The following YLPM1 variants were observed in gnomAD, a reference collection of about 807,000 sequenced individuals.
The protein encoded by YLPM1 is YLP motif containing 1.
Under a neutral mutation model 230.0 loss-of-function variants are expected in YLPM1, and 99 were observed. That is an observed-to-expected ratio of 0.43 (90% confidence interval 0.37 to 0.51). YLPM1 has a LOEUF of 0.51. YLPM1 is among the 20% of genes least tolerant of loss of function. The pLI, the probability that YLPM1 is intolerant of heterozygous loss-of-function variation, is 0.00. For missense variants in YLPM1, 2,592 were observed against 2,707.7 expected (o/e 0.96, Z 0.95); for synonymous variants, 984 against 942.5 (o/e 1.04, Z -0.81).
rs1380960522 is a variant in YLPM1, at chr14:74,835,950, C to CT, written c.*216dup. ...GTACCCAAGCAAGACGTTAATTTTT[C>CT]TTTTAACTGTTTTGGGGAGGGAGGG... On this transcript the variant is annotated 3_prime_UTR_variant, in exon 21 of 21. Coordinates refer to ENST00000325680, the MANE Select transcript of YLPM1 (RefSeq NM_019589.3). 2 of 449,014 alleles carry CT rather than the reference C, an allele frequency of 4.5e-6. No individual in the cohort carries two copies. The highest frequency in any genetic ancestry group is 4.1e-5 in the African/African-American group (2 of 49,330). The allele number at this position is 449,014 out of a possible 1,614,324, so 27.8% of individuals were successfully genotyped here.
At chr14:74,800,223 TA>T (rs2091311846) in intron 5 of YLPM1, among the ~76,000 whole-genome samples, 1 of 152,240 alleles carries the variant, frequency 6.6e-6, no homozygotes, top group African/African-American at 2.4e-5. Context: ...TCATTATAAC[TA>T]AAAGCAGATA....
In YLPM1 at chr14:74,798,326, T is replaced by C; in HGVS notation, c.3029T>C (p.Leu1010Ser). The change falls in exon 5 of 21, where the codon TTA (leucine) becomes TCA (serine). Residue 1010 changes from leucine to serine, a missense_variant. Physicochemically the swap from Leu to Ser is moderately radical, Grantham distance 145 (BLOSUM62 -2). This residue lies in a region of YLPM1 where 1,862 missense variants were observed against 1,819.8 expected (regional missense o/e 1.02). Coordinates refer to ENST00000325680, the MANE Select transcript of YLPM1 (RefSeq NM_019589.3). Reference sequence around the variant, plus strand: ...CGGCCAGATAATAGAGATAATAGATTAGAAGGCAATAGAGGCAACAGCTCA... The same window carrying C: ...CGGCCAGATAATAGAGATAATAGATCAGAAGGCAATAGAGGCAACAGCTCA... ...LPRPDNRDNR[L>S]EGNRGNSSSY... 6.2e-7 allele frequency: 1 copy of C among 1,613,488 alleles called. No individual in the cohort carries two copies. The highest frequency in any genetic ancestry group is 1.3e-5 in the African/African-American group (1 of 74,872).
intron 4 of YLPM1, among the ~76,000 whole-genome samples, chr14:74,795,297 A>G (rs1284154192): frequency 6.6e-6 from 1 of 152,206 alleles, no homozygotes; most frequent in Non-Finnish European, 1.5e-5. Context: ...TGTGTCCCCT[A>G]GTGGATGTGT....
chr14:74,811,843 C>A, intron 10 of YLPM1, 105 bp downstream of exon 10: 1 of 733,086 alleles, frequency 1.4e-6, no homozygotes, highest in South Asian at 2.5e-5. Flanking sequence ...AACGTATTCA[C>A]AGATTTCTTA....
intron 11 of YLPM1, among the ~76,000 whole-genome samples, chr14:74,815,948 T>C (rs1230984303): frequency 6.6e-6 from 1 of 152,118 alleles, no homozygotes; most frequent in African/African-American, 2.4e-5. Context: ...ATTGGTTATT[T>C]AGGAGTATGT....
intron 17 of YLPM1, 148 bp downstream of exon 17, chr14:74,821,285 A>G: frequency 3.3e-6 from 4 of 1,201,646 alleles, no homozygotes; most frequent in South Asian, 2.4e-5. Context: ...AGACTTTTGG[A>G]TACTCTTTAT....
intron 6 of YLPM1, among the ~76,000 whole-genome samples, chr14:74,805,500 G>A (rs1020436212): frequency 2.7e-5 from 4 of 150,282 alleles, no homozygotes; most frequent in Non-Finnish European, 5.9e-5. Flanking sequence ...CACACCCTAC[G>A]CCTGGCTAAT....
In YLPM1 at chr14:74,763,800, C is replaced by A; in HGVS notation, c.311C>A (p.Pro104Gln). The change falls in exon 1 of 21, where the codon CCG (proline) becomes CAG (glutamine). Residue 104 changes from proline to glutamine, a missense_variant. Pro to Gln is a moderately conservative substitution (Grantham distance 76, BLOSUM62 -1). Transcript: ENST00000325680. ...GGGYGDWQPP[P>Q]PPMPPPPGPA... ...GGCTACGGAGACTGGCAGCCGCCAC[C>A]GCCACCGATGCCCCCGCCACCCGGG... 6.6e-7 allele frequency: 1 copy of A among 1,512,052 alleles called. No individual in the cohort carries two copies. Among genetic ancestry groups the A allele is most frequent in the Non-Finnish European group, 8.8e-7 (1 of 1,130,928 alleles). 93.7% of individuals were successfully genotyped at this position (1,512,052 alleles called of 1,614,324 possible). A position where few individuals can be genotyped will look rare whatever the true frequency, so the allele number is the denominator to read the frequency against.
intron 4 of YLPM1, among the ~76,000 whole-genome samples, chr14:74,783,370 A>T (rs1441124474): frequency 6.6e-6 from 1 of 152,222 alleles, no homozygotes; most frequent in African/African-American, 2.4e-5. Context: ...TACAGGTGTG[A>T]GCCACCACGC....
At chr14:74,830,549 T>G (rs1338142567) in intron 19 of YLPM1, among the ~76,000 whole-genome samples, 7 of 152,180 alleles carry the variant, frequency 4.6e-5, no homozygotes, top group African/African-American at 1.7e-4. Context: ...ATTTAACTAG[T>G]CCCTTTGTGT....
At chr14:74,764,880 C>T (rs2090896093) in intron 1 of YLPM1, among the ~76,000 whole-genome samples, 1 of 152,202 alleles carries the variant, frequency 6.6e-6, no homozygotes, top group Non-Finnish European at 1.5e-5. Context: ...GGATGGAAAT[C>T]TTGTCTTACC....
chr14:74,821,000 C>T (rs2091516159), intron 16 of YLPM1, 57 bp from the exon 17 acceptor site: 3 of 1,372,748 alleles, frequency 2.2e-6, no homozygotes, highest in Non-Finnish European at 2.8e-6. Flanking sequence ...ATGAGGGAGT[C>T]AATATTTTGC....
chr14:74,763,608 C>T lies in YLPM1; in HGVS notation c.119C>T (p.Thr40Met), dbSNP rs746744696. Reference protein sequence around the residue: ...ASPGPGYSSSTTPAAPSSSGF... With the variant: ...ASPGPGYSSSMTPAAPSSSGF... ...CCGGGGCCCGGGTACTCGAGCTCGACGACTCCCGCGGCCCCCTCCTCCTCG... is the reference window on the plus strand; with the variant it reads ...CCGGGGCCCGGGTACTCGAGCTCGATGACTCCCGCGGCCCCCTCCTCCTCG... Residue 40 changes from threonine to methionine, a missense_variant, in exon 1 of 21, where the codon ACG becomes ATG. Around this residue, in one of 4 missense-constraint regions of YLPM1, gnomAD observed 1,862 missense variants for 1,819.8 expected, o/e 1.02. Coordinates refer to ENST00000325680, the MANE Select transcript of YLPM1 (RefSeq NM_019589.3). The T allele has an allele frequency of 1.9e-5, 30 of 1,592,088 alleles. No homozygotes were observed. The East Asian group carries it at 6.3e-4, about 34-fold the overall frequency.
chr14:74,809,988 C>CTT lies in YLPM1; in HGVS notation c.5018_5019insTT (p.Thr1674Ter). The CTT allele has an allele frequency of 6.2e-7, 1 of 1,605,094 alleles. No individual in the cohort carries two copies. The highest frequency in any genetic ancestry group is 8.5e-7 in the Non-Finnish European group (1 of 1,175,462). On this transcript the variant is annotated frameshift_variant, in exon 8 of 21. Coordinates refer to ENST00000325680, the MANE Select transcript of YLPM1 (RefSeq NM_019589.3). LOFTEE classifies it high-confidence loss of function. Reference sequence around the variant, plus strand: ...CGCCCAGATCCACTACCTGAAAGATCAACTTTTGAGACAGGTAGGATTCCC... The same window carrying CTT: ...CGCCCAGATCCACTACCTGAAAGATCTTAACTTTTGAGACAGGTAGGATTCCC...
intron 4 of YLPM1, among the ~76,000 whole-genome samples, chr14:74,783,001 T>G (rs1185248368): frequency 6.6e-6 from 1 of 152,216 alleles, no homozygotes; most frequent in Non-Finnish European, 1.5e-5. Flanking sequence ...TAAATTCATT[T>G]TTTCCAAGTT....
In YLPM1 at chr14:74,791,653, T is replaced by C. The variant is rs8009800; in HGVS notation, c.2283-5927T>C. On this transcript the variant is annotated intron_variant, in intron 4 of 20. Coordinates refer to ENST00000325680, the MANE Select transcript of YLPM1 (RefSeq NM_019589.3). ...ATGAAATCAGACATTGGGAATACTT[T>C]GGTTAGCAAGACAAACATGTTCCAT... Among the ~76,000 whole-genome samples the C allele has an allele frequency of 8.0e-3, 1,215 of 152,378 alleles. 14 individuals are homozygous for C. The highest frequency in any genetic ancestry group is 0.028 in the African/African-American group (1,168 of 41,598).
intron 18 of YLPM1, among the ~76,000 whole-genome samples, chr14:74,824,812 C>A (rs1214040450): frequency 6.6e-6 from 1 of 151,902 alleles, no homozygotes; most frequent in African/African-American, 2.4e-5. Flanking sequence ...TTATAAGATT[C>A]AGTTTAAATT....
chr14:74,810,360 G>T lies in YLPM1; in HGVS notation c.5168G>T (p.Arg1723Leu), dbSNP rs554954644. ...RETHRDRDRD[R>L]GVIDYDRDRF... The stretch of plus-strand genomic sequence containing the variant: ...ACACATAGAGATCGAGACCGGGATC[G>T]TGGTGTTATTGACTATGACCGGGAT... Residue 1723 changes from arginine (R) to leucine (L), a missense_variant, in exon 9 of 21, where the codon CGT becomes CTT. Arg to Leu is a moderately radical substitution (Grantham distance 102). Around this residue, in one of 4 missense-constraint regions of YLPM1, gnomAD observed 403 missense variants for 426.7 expected, o/e 0.94. Coordinates refer to ENST00000325680, the MANE Select transcript of YLPM1 (RefSeq NM_019589.3). 3 of 1,613,718 alleles carry T rather than the reference G, an allele frequency of 1.9e-6. No homozygotes were observed. In the South Asian group the frequency reaches 3.3e-5, roughly 18 times the overall value.
intron 19 of YLPM1, among the ~76,000 whole-genome samples, chr14:74,829,787 CAT>C (rs1594848314): frequency 6.6e-6 from 1 of 152,106 alleles, no homozygotes; most frequent in Admixed American, 6.6e-5. Context: ...CTGGGGGAGT[CAT>C]AGGTCATAAT....
Sources: allele counts gnomAD v4.1 joint callset (sites outside exome capture counted in the v4.1 genomes callset), GRCh38; gene constraint gnomAD v4.1.1; regional missense constraint gnomAD v4.1.1; transcripts MANE v1.5; gene names NCBI Gene and HGNC (gene_info 2026-07-23, HGNC 2026-07-21).